Variants in CSMD1 observed in about 807,000 individuals in gnomAD.
The protein encoded by CSMD1 is CUB and sushi domain-containing protein 1.
A neutral mutation model predicts 417.5 loss-of-function variants in CSMD1; 213 were observed. That is an observed-to-expected ratio of 0.51 (90% CI 0.46 to 0.57). CSMD1 has a LOEUF of 0.57. CSMD1 is among the 20% of genes least tolerant of loss of function. The probability of loss-of-function intolerance (pLI) is 0.00; values close to 1 mark genes in which losing one functional copy is unlikely to be tolerated. For synonymous variants in CSMD1, 2,862 were observed against 1,736.8 expected (o/e 1.65, Z -16.11); for missense variants, 6,923 against 4,529.7 (o/e 1.53, Z -15.17).
intron 10 of CSMD1, among the ~76,000 whole-genome samples, chr8:3,573,627 C>G (rs1226345924): frequency 1.3e-5 from 2 of 152,112 alleles, no homozygotes; most frequent in East Asian, 1.9e-4. Flanking sequence ...GTGATGAACA[C>G]TTTACGGAAT....
At chr8:3,472,733 T>C (rs985686052) in intron 11 of CSMD1, among the ~76,000 whole-genome samples, 1 of 152,156 alleles carries the variant, frequency 6.6e-6, no homozygotes, top group African/African-American at 2.4e-5. Context: ...CCAGCCCTTA[T>C]TTCTTCTGTT....
intron 8 of CSMD1, among the ~76,000 whole-genome samples, chr8:3,605,126 C>G (rs1003728590): frequency 6.6e-6 from 1 of 152,166 alleles, no homozygotes; most frequent in East Asian, 1.9e-4. Flanking sequence ...TCCCGAGTAG[C>G]TGGGACTACA....
chr8:3,558,552 G>C (rs1465102780), intron 10 of CSMD1, among the ~76,000 whole-genome samples: 1 of 147,474 alleles, frequency 6.8e-6, no homozygotes, highest in African/African-American at 2.6e-5. Flanking sequence ...TGTCTCAATG[G>C]TACCCCGTGT....
chr8:4,299,109 G>C (rs1797843254), intron 3 of CSMD1, among the ~76,000 whole-genome samples: 1 of 152,090 alleles, frequency 6.6e-6, no homozygotes, highest in Non-Finnish European at 1.5e-5. Flanking sequence ...GAAGGTGATA[G>C]AATACAGAAA....
Position 3,205,551 on chromosome 8 carries a change from G to C in CSMD1, c.4937C>G (p.Thr1646Arg). The C allele has an allele frequency of 2.5e-6, 4 of 1,602,736 alleles. No homozygotes were observed. Among genetic ancestry groups the C allele is most frequent in the Non-Finnish European group, 3.4e-6 (4 of 1,173,214 alleles). The part of the protein sequence containing the change: ...VLSPNYPHNY[T>R]AGQICLYSIT... ...GGAATAGAGGCATATTTGACCAGCTGTGTAATTATGGGGGTAGTTTGGTGA... is the reference window on the plus strand; with the variant it reads ...GGAATAGAGGCATATTTGACCAGCTCTGTAATTATGGGGGTAGTTTGGTGA... The change falls in exon 31 of 70, where the codon ACA becomes AGA. Residue 1646 changes from threonine to arginine, a missense_variant. Physicochemically the swap from Thr to Arg is moderately conservative, Grantham distance 71. Transcript: ENST00000635120.
chr8:3,786,786 C>G (rs1466716323), intron 5 of CSMD1, among the ~76,000 whole-genome samples: 5 of 152,140 alleles, frequency 3.3e-5, no homozygotes, highest in Non-Finnish European at 7.3e-5. Flanking sequence ...CTTCCCCTTG[C>G]GTCCTCAGGT....
At chr8:3,016,220 G>A (rs2128966840) in intron 52 of CSMD1, among the ~76,000 whole-genome samples, 1 of 152,226 alleles carries the variant, frequency 6.6e-6, no homozygotes, top group Middle Eastern at 3.4e-3. Context: ...GTTGATATTT[G>A]GATTATGGAG....
At chr8:4,331,084 T>A (rs1385758832) in intron 3 of CSMD1, among the ~76,000 whole-genome samples, 1 of 152,202 alleles carries the variant, frequency 6.6e-6, no homozygotes, top group Non-Finnish European at 1.5e-5. Context: ...TATTCTCCAA[T>A]ATGCAACTAC....
chr8:3,734,553 A>T (rs1466684378), intron 6 of CSMD1, among the ~76,000 whole-genome samples: 3 of 152,156 alleles, frequency 2.0e-5, no homozygotes, highest in Admixed American at 1.3e-4. Context: ...TCTACTAAAA[A>T]TACCCAAAAT....
At chr8:3,926,069 C>CCAT (rs1809661413) in intron 5 of CSMD1, among the ~76,000 whole-genome samples, 1 of 133,110 alleles carries the variant, frequency 7.5e-6, no homozygotes, top group African/African-American at 3.0e-5. Context: ...CACACACACA[C>CCAT]ACACAAACAC....
chr8:3,956,756 C>T (rs971514019), intron 5 of CSMD1, among the ~76,000 whole-genome samples: 2 of 152,016 alleles, frequency 1.3e-5, no homozygotes, highest in Admixed American at 1.3e-4. Context: ...AGCCCAACTC[C>T]AAAGCTTAGT....
intron 5 of CSMD1, among the ~76,000 whole-genome samples, chr8:3,930,997 G>C (rs1181885659): frequency 6.6e-6 from 1 of 150,446 alleles, no homozygotes; most frequent in Non-Finnish European, 1.5e-5. Flanking sequence ...CTTATTTAAA[G>C]GTGTTAACTA....
intron 26 of CSMD1, among the ~76,000 whole-genome samples, chr8:3,263,578 C>G (rs998973194): frequency 2.0e-5 from 3 of 152,084 alleles, no homozygotes; most frequent in African/African-American, 7.2e-5. Flanking sequence ...TTTGAAATTT[C>G]TTACAAATAA....
At chr8:3,230,631 G>C (rs1223527068) in intron 26 of CSMD1, among the ~76,000 whole-genome samples, 2 of 152,064 alleles carry the variant, frequency 1.3e-5, no homozygotes, top group Non-Finnish European at 2.9e-5. Flanking sequence ...AAACAAAATA[G>C]GAAGAATTTC....
intron 14 of CSMD1, 109 bp downstream of exon 14, chr8:3,407,790 A>C (rs1020543969): frequency 1.1e-6 from 1 of 929,026 alleles, no homozygotes; most frequent in Non-Finnish European, 1.6e-6. Context: ...ATGATTATAA[A>C]ACCTCTGAAG....
intron 1 of CSMD1, among the ~76,000 whole-genome samples, chr8:4,806,800 C>A (rs1798614547): frequency 6.6e-6 from 1 of 152,080 alleles, no homozygotes; most frequent in Admixed American, 6.5e-5. Context: ...ACCTTAAATT[C>A]TCATGCTATG....
chr8:3,535,119 T>A (rs192058567), intron 10 of CSMD1, among the ~76,000 whole-genome samples: 45 of 151,906 alleles, frequency 3.0e-4, no homozygotes, highest in African/African-American at 1.0e-3. Flanking sequence ...GCTAATATTT[T>A]TTTTTTTTAA....
intron 1 of CSMD1, among the ~76,000 whole-genome samples, chr8:4,752,537 T>C (rs980027472): frequency 1.2e-4 from 18 of 152,168 alleles, no homozygotes; most frequent in South Asian, 2.1e-4. Context: ...AACTCAAAGT[T>C]AAAACTCTGT....
intron 1 of CSMD1, among the ~76,000 whole-genome samples, chr8:4,656,452 C>A (rs1332942983): frequency 6.6e-6 from 1 of 152,004 alleles, no homozygotes; most frequent in Non-Finnish European, 1.5e-5. Flanking sequence ...AAGCTTAAAG[C>A]ACTTAACCTT....
Sources: gnomAD v4.1 joint callset for allele counts (sites outside exome capture counted in the v4.1 genomes callset) on GRCh38, gnomAD v4.1.1 for gene constraint, MANE v1.5 for transcripts, NCBI Gene and HGNC (gene_info 2026-07-23, HGNC 2026-07-21) for gene names.